Variants in ZP2 observed in about 807,000 individuals in gnomAD.
ZP2 encodes the protein zona pellucida glycoprotein 2.
In ZP2, 51 loss-of-function variants were observed where a neutral mutation model predicts 84.0. The ratio of observed to expected loss-of-function variants is 0.61; its 90% CI spans 0.49 to 0.77. ZP2 has a LOEUF of 0.77. Ranked by LOEUF, ZP2 falls within the 30% of genes least tolerant of loss-of-function variation. The probability of loss-of-function intolerance (pLI) is 0.00; values close to 1 mark genes in which losing one functional copy is unlikely to be tolerated. For synonymous variants in ZP2, 375 were observed against 330.9 expected, an observed-to-expected ratio of 1.13 and a Z score of -1.45; for missense variants, 909 against 911.9, an observed-to-expected ratio of 1.00 and a Z score of 0.04.
At chr16:21,204,435 A>T in intron 7 of ZP2, 31 bp from the exon 8 acceptor site, 1 of 1,575,936 alleles carries the variant, frequency 6.3e-7, no homozygotes, top group Non-Finnish European at 8.7e-7. Context: ...GATCTTCAAA[A>T]ACATTGGTTA....
upstream of ZP2, chr16:21,211,727 C>G (rs747484510): frequency 2.4e-5 from 36 of 1,500,412 alleles, no homozygotes; most frequent in Non-Finnish European, 2.9e-5. Flanking sequence ...CAGCTTGCGC[C>G]GGGTATTCTG....
Position 21,211,341 on chromosome 16 carries a change from T to A in ZP2, c.117A>T (p.Ile39=). ...FFALVTSGNS[I]DVSQLVNPAF... is the part of the protein sequence containing the mutation. ...CAGGATTTACCAACTGAGAAACATC[T>A]ATGGAGTTCCCTGAAGTCACAAGGG... The change falls in exon 2 of 19, where the codon ATA becomes ATT. Residue 39 remains isoleucine (I), a synonymous_variant. Coordinates refer to ENST00000574091, the MANE Select transcript of ZP2 (RefSeq NM_001376232.1). 6.2e-7 allele frequency: 1 copy of A among 1,614,078 alleles called. No individual in the cohort carries two copies. Among genetic ancestry groups the A allele is most frequent in the Non-Finnish European group, 8.5e-7 (1 of 1,180,022 alleles).
At position 21,202,284 on chromosome 16, in the gene ZP2, C is replaced by T. The variant is rs763578657; in HGVS notation, c.1107G>A (p.Gly369=). 2 of 1,512,106 alleles carry T rather than the reference C, an allele frequency of 1.3e-6. No homozygotes were observed. The highest frequency in any genetic ancestry group is 1.4e-5 in the South Asian group (1 of 72,062). 93.7% of individuals were successfully genotyped at this position (1,512,106 alleles called of 1,614,324 possible). The change falls in exon 11 of 19, where the codon GGG becomes GGA. Residue 369 remains glycine (G), a synonymous_variant. Transcript: ENST00000574091. ...TAAACCCATCCTGGGTGCACAGCTC[C>T]CCTGTAACTAGACAGCGGTGAAAGT... ...LCESPVSIVT[G]ELCTQDGFMD...
At chr16:21,207,846 C>A (rs1312893637) in intron 4 of ZP2, among the ~76,000 whole-genome samples, 2 of 151,422 alleles carry the variant, frequency 1.3e-5, no homozygotes, top group Non-Finnish European at 2.9e-5. Context: ...ACAGCAAGAC[C>A]CTGTCTCAAG....
upstream of ZP2, among the ~76,000 whole-genome samples, chr16:21,212,483 T>G (rs113957664): frequency 3.3e-3 from 503 of 152,332 alleles, 1 homozygote; most frequent in African/African-American, 0.011. Context: ...TTTAAAACAC[T>G]GGGAGGAAAG....
rs372374840 is a variant in ZP2, at chr16:21,210,920, G to A, written c.151+387C>T. Among the ~76,000 whole-genome samples the A allele has an allele frequency of 8.7e-5, 13 of 150,024 alleles. No individual in the cohort carries two copies. The East Asian group carries it at 1.6e-3, about 18-fold the overall frequency. ...AAAGATCAAGTTTTGCCCATCATCT[G>A]CTACTCTGCAGCCTCTGGCTCAGGT... On this transcript the variant is annotated intron_variant, in intron 2 of 18. Transcript: ENST00000574091.
upstream of ZP2, among the ~76,000 whole-genome samples, chr16:21,212,460 C>CA (rs2093278969): frequency 6.6e-6 from 1 of 152,190 alleles, no homozygotes; most frequent in African/African-American, 2.4e-5. Context: ...CTACAAACAC[C>CA]ACACACAATT....
intron 2 of ZP2, 106 bp downstream of exon 2, chr16:21,211,201 T>C: frequency 1.1e-6 from 1 of 916,612 alleles, no homozygotes. Flanking sequence ...ATAAAGGGGG[T>C]GAATGGAGGT....
Position 21,201,517 on chromosome 16 carries a change from G to C in ZP2, c.1546C>G (p.Leu516Val). 1.9e-6 allele frequency: 3 copies of C among 1,612,734 alleles called. No individual in the cohort carries two copies. The highest frequency in any genetic ancestry group is 1.1e-5 in the South Asian group (1 of 90,674). The change falls in exon 14 of 19, where the codon CTA becomes GTA. Residue 516 changes from leucine (L) to valine (V), a missense_variant. Physicochemically the swap from Leu to Val is conservative, Grantham distance 32. Coordinates refer to ENST00000574091, the MANE Select transcript of ZP2 (RefSeq NM_001376232.1). ...ATTGGTTGGCGGAGGAATCTCACTA[G>C]AGGGTACTCGTTTTCCCCATAAGGT... is the stretch of plus-strand genomic sequence containing the variant. Reference protein sequence around the residue: ...QQPYGENEYPLVRFLRQPIYM... With the variant: ...QQPYGENEYPVVRFLRQPIYM...
intron 16 of ZP2, among the ~76,000 whole-genome samples, chr16:21,199,330 A>AAAG (rs1213547846): frequency 6.6e-6 from 1 of 150,708 alleles, no homozygotes; most frequent in African/African-American, 2.4e-5. Flanking sequence ...AAAAAAAAAA[A>AAAG]AAAAAAAAAA....
intron 2 of ZP2, among the ~76,000 whole-genome samples, chr16:21,210,624 G>A (rs1215792610): frequency 6.6e-6 from 1 of 152,004 alleles, no homozygotes; most frequent in East Asian, 1.9e-4. Flanking sequence ...ACCCAGGCTG[G>A]AGTGCAGTGG....
chr16:21,198,701 T>C, intron 17 of ZP2, 78 bp downstream of exon 17: 2 of 1,168,604 alleles, frequency 1.7e-6, no homozygotes, highest in African/African-American at 1.5e-5. Flanking sequence ...GGGTACATAG[T>C]ATATGTAAGC....
intron 1 of ZP2, 35 bp downstream of exon 1, chr16:21,211,451 C>A: frequency 1.9e-6 from 3 of 1,614,060 alleles, no homozygotes; most frequent in Non-Finnish European, 2.5e-6. Flanking sequence ...AACAAAGCTA[C>A]CATACCCCCT....
At position 21,197,867 on chromosome 16, in the gene ZP2, G is replaced by C; in HGVS notation, c.2012-18C>G. The C allele has an allele frequency of 6.2e-7, 1 of 1,612,564 alleles. No homozygotes were observed. Among genetic ancestry groups the C allele is most frequent in the Non-Finnish European group, 8.5e-7 (1 of 1,178,634 alleles). On this transcript the variant is annotated intron_variant, in intron 17 of 18. Transcript: ENST00000574091. Reference sequence around the variant, plus strand: ...GCCGACACCTGGGAAGAACCTGAGAGTTTAGTACAACATCTTCATGCTAGT... The same window carrying C: ...GCCGACACCTGGGAAGAACCTGAGACTTTAGTACAACATCTTCATGCTAGT...
At chr16:21,208,780 G>A (rs142944277) in intron 4 of ZP2, among the ~76,000 whole-genome samples, 269 of 152,260 alleles carry the variant, frequency 1.8e-3, no homozygotes, top group African/African-American at 6.0e-3. Flanking sequence ...AAAATAGCTC[G>A]TGTTTCATCA....
chr16:21,214,411 A>G, upstream of ZP2: 1 of 310,676 alleles, frequency 3.2e-6, no homozygotes, highest in South Asian at 1.3e-4. Flanking sequence ...GGTAGGAAAA[A>G]CTAAAGTTAT....
chr16:21,202,130 G>T lies in ZP2; in HGVS notation c.1261C>A (p.Leu421Met). Residue 421 changes from leucine (L) to methionine (M), a missense_variant, in exon 11 of 19, where the codon CTG becomes ATG. By Grantham distance (15) the Leu-to-Met change is conservative (BLOSUM62 2). Transcript: ENST00000574091. The stretch of plus-strand genomic sequence containing the variant: ...TTATATCTCGTTCCACATCCATTCA[G>T]GGGTATGTGGAACCGTACCAGCCCC... ...SQGLVRFHIPLNGCGTRYKFE... is the reference protein window; with the variant it reads ...SQGLVRFHIPMNGCGTRYKFE... 1.2e-6 allele frequency: 2 copies of T among 1,613,158 alleles called. No homozygotes were observed. The highest frequency in any genetic ancestry group is 1.1e-5 in the South Asian group (1 of 90,826).
intron 10 of ZP2, among the ~76,000 whole-genome samples, chr16:21,202,839 G>T (rs974378389): frequency 5.9e-5 from 9 of 152,102 alleles, no homozygotes; most frequent in African/African-American, 2.2e-4. Context: ...ATTCTAATTA[G>T]AAGTTTGAAT....
intron 12 of ZP2, 42 bp from the exon 13 acceptor site, chr16:21,201,872 G>C (rs1246139809): frequency 6.2e-7 from 1 of 1,612,502 alleles, no homozygotes; most frequent in African/African-American, 1.3e-5. Context: ...AAAATTTCAG[G>C]TTAAAAAATT....
Sources: gnomAD v4.1 joint callset for allele counts (sites outside exome capture counted in the v4.1 genomes callset) on GRCh38, gnomAD v4.1.1 for gene constraint, MANE v1.5 for transcripts, NCBI Gene and HGNC (gene_info 2026-07-23, HGNC 2026-07-21) for gene names.